EHMT1: variants seen among roughly 807,000 people sequenced by gnomAD.
EHMT1 encodes the protein histone-lysine N-methyltransferase EHMT1.
A neutral mutation model predicts 147.2 loss-of-function variants in EHMT1; 15 were observed. The observed-to-expected ratio is 0.10, with a 90% CI of 0.07 to 0.16. The LOEUF (loss-of-function observed/expected upper bound fraction) is 0.16, where lower values mean the gene tolerates loss of function less well. Ranked by LOEUF, EHMT1 falls within the 10% of genes least tolerant of loss-of-function variation. The pLI is 1.00. For synonymous variants in EHMT1, 795 were observed against 709.6 expected, an observed-to-expected ratio of 1.12 and a Z score of -1.91; for missense variants, 1,587 against 1,772.4, an observed-to-expected ratio of 0.90 and a Z score of 1.88.
At chr9:137,742,289 T>TGTG (rs1948160336) in intron 4 of EHMT1, among the ~76,000 whole-genome samples, 25 of 135,070 alleles carry the variant, frequency 1.9e-4, no homozygotes, top group African/African-American at 6.7e-4. Context: ...AGAACCAAAT[T>TGTG]TGTGTGTGTG....
chr9:137,717,870 C>T (rs1452223650), intron 3 of EHMT1, among the ~76,000 whole-genome samples: 2 of 152,170 alleles, frequency 1.3e-5, no homozygotes, highest in East Asian at 1.9e-4. Context: ...TGGTTAGGGC[C>T]AGAATGTCAC....
chr9:137,778,380 C>T (rs113852229), intron 13 of EHMT1, among the ~76,000 whole-genome samples: 1 of 152,242 alleles, frequency 6.6e-6, no homozygotes, highest in Non-Finnish European at 1.5e-5. Context: ...GCCTTGACTC[C>T]GTTTCCCTCC....
At chr9:137,827,839 T>C (rs1215348339) in intron 25 of EHMT1, among the ~76,000 whole-genome samples, 2 of 149,222 alleles carry the variant, frequency 1.3e-5, no homozygotes, top group Non-Finnish European at 3.0e-5. Flanking sequence ...CATGGTGTGC[T>C]TGCCCGAAAC....
At chr9:137,680,112 T>C (rs1941796550) in intron 1 of EHMT1, among the ~76,000 whole-genome samples, 1 of 152,216 alleles carries the variant, frequency 6.6e-6, no homozygotes, top group Non-Finnish European at 1.5e-5. Flanking sequence ...TGTATCTGTA[T>C]CTTGTATTGT....
At chr9:137,772,005 T>A (rs1252726745) in intron 10 of EHMT1, among the ~76,000 whole-genome samples, 1 of 152,034 alleles carries the variant, frequency 6.6e-6, no homozygotes, top group Non-Finnish European at 1.5e-5. Flanking sequence ...CCCCACTGTG[T>A]CCTAATAAGC....
chr9:137,833,021 C>G (rs57941136), intron 25 of EHMT1: 1 of 152,486 alleles, frequency 6.6e-6, no homozygotes, highest in African/African-American at 2.4e-5. Flanking sequence ...GGGGCTGTGG[C>G]TGGTCCTGTC....
chr9:137,706,399 G>T (rs1198866609), intron 1 of EHMT1, among the ~76,000 whole-genome samples: 1 of 152,226 alleles, frequency 6.6e-6, no homozygotes, highest in Non-Finnish European at 1.5e-5. Context: ...ATTTTGTTTT[G>T]CTTAGATCAA....
intron 6 of EHMT1, chr9:137,746,288 T>C (rs1415896279): frequency 6.6e-6 from 1 of 152,186 alleles, no homozygotes; most frequent in Non-Finnish European, 1.5e-5. Context: ...CTGATGTTTT[T>C]TTATTTTTTG....
At position 137,802,003 on chromosome 9, in the gene EHMT1, T is replaced by A. The variant is rs562692168; in HGVS notation, c.2712+1019T>A. ...CGGTTTTCTAGGATGTGATTTAAGA[T>A]GCTTCAGTGACAATTAGTTTTGTAA... is the stretch of plus-strand genomic sequence containing the variant. On this transcript the variant is annotated intron_variant, in intron 18 of 26. Coordinates refer to ENST00000460843, the MANE Select transcript of EHMT1 (RefSeq NM_024757.5). Among the ~76,000 whole-genome samples, 155 of 152,364 alleles carry A rather than the reference T, an allele frequency of 1.0e-3. 1 individual carries two copies. The highest frequency in any genetic ancestry group is 3.0e-3 in the African/African-American group (124 of 41,576).
At chr9:137,783,372 T>C (rs935256971) in intron 15 of EHMT1, among the ~76,000 whole-genome samples, 1 of 152,232 alleles carries the variant, frequency 6.6e-6, no homozygotes, top group African/African-American at 2.4e-5. Flanking sequence ...TCCTGGGGGA[T>C]TCTTAACATG....
At chr9:137,637,722 C>A (rs577723489) in intron 1 of EHMT1, 1 of 152,192 alleles carries the variant, frequency 6.6e-6, no homozygotes, top group Non-Finnish European at 1.5e-5. Context: ...TTCCCTCTTC[C>A]GTTTTTGGGA....
rs1951427149 is a variant in EHMT1, at chr9:137,781,012, G to GTGTGGTGATGACGCCGAGACA, written c.2276-1259_2276-1258insATGTGGTGATGACGCCGAGAC. Among the ~76,000 whole-genome samples the GTGTGGTGATGACGCCGAGACA allele has an allele frequency of 1.7e-4, 25 of 142,942 alleles. 6 individuals carry two copies. Among genetic ancestry groups the GTGTGGTGATGACGCCGAGACA allele is most frequent in the African/African-American group, 6.6e-4 (23 of 34,824 alleles). 93.8% of individuals were successfully genotyped at this position (142,942 alleles called of 152,430 possible). ...GGATGTGTGGTGATGACGCCGGGAT[G>GTGTGGTGATGACGCCGAGACA]TGTGGTGATGACGCCGAGACGTGTG... On this transcript the variant is annotated intron_variant, in intron 14 of 26. Coordinates refer to ENST00000460843, the MANE Select transcript of EHMT1 (RefSeq NM_024757.5).
chr9:137,781,936 C>G (rs1021267275), intron 14 of EHMT1, among the ~76,000 whole-genome samples: 2 of 152,206 alleles, frequency 1.3e-5, no homozygotes, highest in African/African-American at 4.8e-5. Context: ...GCCTTGCTTG[C>G]TCCCCTAGGG....
intron 1 of EHMT1, chr9:137,676,576 C>T (rs1941348743): frequency 6.6e-6 from 1 of 152,326 alleles, no homozygotes; most frequent in Non-Finnish European, 1.5e-5. Flanking sequence ...ATGAGACAGC[C>T]AAATGCCTAG....
chr9:137,778,402 C>A (rs1951121922), intron 13 of EHMT1, among the ~76,000 whole-genome samples: 1 of 152,248 alleles, frequency 6.6e-6, no homozygotes, highest in Non-Finnish European at 1.5e-5. Flanking sequence ...AGGCCACACC[C>A]CATCTGTGCA....
chr9:137,795,641 GT>G lies in EHMT1; in HGVS notation c.2506-3167del, dbSNP rs141453186. Among the ~76,000 whole-genome samples, 1,100 of 151,166 alleles carry G rather than the reference GT, an allele frequency of 7.3e-3. 9 individuals carry two copies. The highest frequency in any genetic ancestry group is 0.025 in the African/African-American group (1,038 of 41,296). ...GTGGTTTTTGTTTGTTTGTTTGTTT[GT>G]TTTTAACCTCATCAATGTTATAACA... On this transcript the variant is annotated intron_variant, in intron 16 of 26. Coordinates refer to ENST00000460843, the MANE Select transcript of EHMT1 (RefSeq NM_024757.5).
At chr9:137,815,236 A>G (rs1192644187) in intron 22 of EHMT1, 3 of 163,748 alleles carry the variant, frequency 1.8e-5, no homozygotes, top group African/African-American at 4.8e-5. Flanking sequence ...AGAGGCTCCA[A>G]TGGGAAAAGG....
rs557209893 is a variant in EHMT1, at chr9:137,630,696, G to A, written c.21+11647G>A. On this transcript the variant is annotated intron_variant, in intron 1 of 26. Transcript: ENST00000460843. ...GTCCCGTATTGTCTGACGTGCATTC[G>A]TATCTTCAGTGTTTTTGGTAGCTGC... 2.2e-4 allele frequency among the ~76,000 whole-genome samples: 33 copies of A among 152,182 alleles called. 1 individual carries two copies. Among genetic ancestry groups the A allele is most frequent in the African/African-American group, 6.5e-4 (27 of 41,508 alleles).
intron 1 of EHMT1, among the ~76,000 whole-genome samples, chr9:137,673,258 G>A (rs1442620828): frequency 1.3e-5 from 2 of 152,096 alleles, no homozygotes; most frequent in Non-Finnish European, 2.9e-5. Context: ...CTCAGAGCTG[G>A]CCTGGACCAA....
Sources: gnomAD v4.1 joint callset for allele counts (sites outside exome capture counted in the v4.1 genomes callset) on GRCh38, gnomAD v4.1.1 for gene constraint, MANE v1.5 for transcripts, NCBI Gene and HGNC (gene_info 2026-07-23, HGNC 2026-07-21) for gene names.